The following JPH3 variants were observed in gnomAD, a reference collection of about 807,000 sequenced individuals.
The protein encoded by JPH3 is junctophilin 3.
A neutral mutation model predicts 59.6 loss-of-function variants in JPH3; 11 were observed. That is an observed-to-expected ratio of 0.18 (90% CI 0.12 to 0.31). The LOEUF (loss-of-function observed/expected upper bound fraction) is 0.31. JPH3 is among the 10% of genes least tolerant of loss of function. The pLI is 1.00. For missense variants in JPH3, 1,202 were observed against 1,105.7 expected (o/e 1.09, Z -1.24); for synonymous variants, 673 against 483.6 (o/e 1.39, Z -5.14).
In JPH3 at chr16:87,644,372, C is replaced by T. The variant is rs755426590; in HGVS notation, c.497C>T (p.Ser166Phe). 2 of 1,612,930 alleles carry T rather than the reference C, an allele frequency of 1.2e-6. No homozygotes were observed. Among genetic ancestry groups the T allele is most frequent in the Non-Finnish European group, 8.5e-7 (1 of 1,179,910 alleles). The change falls in exon 2 of 5, where the codon TCC (serine) becomes TTC (phenylalanine). Residue 166 changes from serine (S) to phenylalanine (F), a missense_variant. Ser to Phe is a radical substitution (Grantham distance 155). Transcript: ENST00000284262. ...IRSPLRTSIN[S>F]LRSEHTNGTA... The stretch of plus-strand genomic sequence containing the variant: ...TCACCCCTGAGGACGTCCATCAACT[C>T]CCTGCGCAGCGAGCACACCAACGGC...
At chr16:87,619,489 C>T (rs986182849) in intron 1 of JPH3, among the ~76,000 whole-genome samples, 36 of 152,178 alleles carry the variant, frequency 2.4e-4, no homozygotes, top group African/African-American at 8.7e-4. Flanking sequence ...GGGTGTCTGT[C>T]TCTTGGCTCC....
chr16:87,667,193 C>T (rs1597277041), intron 2 of JPH3, among the ~76,000 whole-genome samples: 1 of 152,238 alleles, frequency 6.6e-6, no homozygotes, highest in Non-Finnish European at 1.5e-5. Flanking sequence ...TCTTAGCTCC[C>T]TCTGCCCCGT....
In JPH3 at chr16:87,689,813, G is replaced by A. The variant is rs780184889; in HGVS notation, c.1453G>A (p.Ala485Thr). Residue 485 changes from alanine to threonine, a missense_variant, in exon 4 of 5, where the codon GCG (alanine) becomes ACG (threonine). By Grantham distance (58) the Ala-to-Thr change is moderately conservative. Coordinates refer to ENST00000284262, the MANE Select transcript of JPH3 (RefSeq NM_020655.4). The part of the protein sequence containing the change: ...SPLQSFPTSP[A>T]ATPPPAPAAR... ...CCTGCAGAGCTTCCCCACCAGCCCCGCGGCCACCCCGCCGCCCGCGCCCGC... is the reference window on the plus strand; with the variant it reads ...CCTGCAGAGCTTCCCCACCAGCCCCACGGCCACCCCGCCGCCCGCGCCCGC... 4.4e-6 allele frequency: 7 copies of A among 1,580,718 alleles called. No individual in the cohort carries two copies. In the Admixed American group the frequency reaches 1.1e-4, roughly 24 times the overall value.
Position 87,603,061 on chromosome 16 carries a change from C to G in JPH3, c.-86C>G. 6.4e-7 allele frequency: 1 copy of G among 1,572,184 alleles called. No individual in the cohort carries two copies. On this transcript the variant is annotated 5_prime_UTR_variant, in exon 1 of 5. Transcript: ENST00000284262. Reference sequence around the variant, plus strand: ...TCTCCTCCGGAAAACGCTCGCGACCCAGGGCCGCCGGCGGCCGCGACTCTG... The same window carrying G: ...TCTCCTCCGGAAAACGCTCGCGACCGAGGGCCGCCGGCGGCCGCGACTCTG...
At chr16:87,649,180 G>A (rs2032250193) in intron 2 of JPH3, among the ~76,000 whole-genome samples, 2 of 152,174 alleles carry the variant, frequency 1.3e-5, no homozygotes. Context: ...GTGAGAAGGG[G>A]CTGCAGTCTC....
At chr16:87,641,978 G>A (rs1157405242) in intron 1 of JPH3, among the ~76,000 whole-genome samples, 1 of 152,214 alleles carries the variant, frequency 6.6e-6, no homozygotes, top group Non-Finnish European at 1.5e-5. Context: ...TGGAGGTGCT[G>A]TGGAGGAGGG....
intron 1 of JPH3, among the ~76,000 whole-genome samples, chr16:87,618,453 G>A (rs868046488): frequency 2.6e-5 from 4 of 152,226 alleles, no homozygotes; most frequent in African/African-American, 4.8e-5. Flanking sequence ...ATTGGCCATC[G>A]TCCCTGCTGT....
At chr16:87,618,125 C>G (rs1182927038) in intron 1 of JPH3, among the ~76,000 whole-genome samples, 1 of 152,080 alleles carries the variant, frequency 6.6e-6, no homozygotes, top group East Asian at 1.9e-4. Flanking sequence ...GATTGGGCCA[C>G]TGCACTCTAG....
intron 1 of JPH3, chr16:87,604,468 C>T (rs1488186678): frequency 7.3e-7 from 1 of 1,363,024 alleles, no homozygotes; most frequent in Non-Finnish European, 9.6e-7. Flanking sequence ...AACAAACTGG[C>T]TTCCCCGACC....
intron 2 of JPH3, among the ~76,000 whole-genome samples, chr16:87,679,979 G>C (rs2033244775): frequency 6.6e-6 from 1 of 152,230 alleles, no homozygotes; most frequent in Non-Finnish European, 1.5e-5. Flanking sequence ...AGCCTGTTGG[G>C]GGGCCTGTGG....
chr16:87,677,213 CACACACACACACAAAAAA>C lies in JPH3; in HGVS notation c.1161-6927_1161-6910del, dbSNP rs1279195999. On this transcript the variant is annotated intron_variant, in intron 2 of 4. Coordinates refer to ENST00000284262, the MANE Select transcript of JPH3 (RefSeq NM_020655.4). ...ACACACACACACACACACACACACA[CACACACACACACAAAAAA>C]AAAAATTAGCCGGGTGTGGTGGGCG... is the stretch of plus-strand genomic sequence containing the variant. 7.7e-4 allele frequency among the ~76,000 whole-genome samples: 96 copies of C among 125,336 alleles called. 2 individuals carry two copies. The highest frequency in any genetic ancestry group is 1.3e-4 in the Non-Finnish European group (8 of 61,570). 82.2% of individuals were successfully genotyped at this position (125,336 alleles called of 152,430 possible). A position where few individuals can be genotyped will look rare whatever the true frequency, so the allele number is the denominator to read the frequency against.
At chr16:87,664,734 T>C (rs4843255) in intron 2 of JPH3, among the ~76,000 whole-genome samples, 48,838 of 152,066 alleles carry the variant, frequency 0.32, 8,533 homozygotes, top group African/African-American at 0.43. Flanking sequence ...TGGCCCTCCT[T>C]ATCCTTGCTG....
intron 1 of JPH3, among the ~76,000 whole-genome samples, chr16:87,615,994 A>C (rs971041055): frequency 2.6e-5 from 4 of 152,050 alleles, no homozygotes; most frequent in Admixed American, 1.3e-4. Context: ...TGCAGGAGGG[A>C]GACGGTGCGT....
intron 1 of JPH3, among the ~76,000 whole-genome samples, chr16:87,636,860 G>T (rs1252494293): frequency 2.6e-5 from 4 of 152,234 alleles, no homozygotes; most frequent in African/African-American, 9.6e-5. Flanking sequence ...TATCTTACAG[G>T]TGTGGAAACT....
chr16:87,604,575 A>C (rs1175902659), intron 1 of JPH3: 2 of 1,235,492 alleles, frequency 1.6e-6, no homozygotes, highest in Non-Finnish European at 2.1e-6. Flanking sequence ...CTGGGAAGGG[A>C]GTGAGACGCA....
intron 2 of JPH3, among the ~76,000 whole-genome samples, chr16:87,678,803 A>C (rs1001445087): frequency 1.3e-5 from 2 of 152,220 alleles, no homozygotes; most frequent in Non-Finnish European, 2.9e-5. Flanking sequence ...AGAAGGCCAC[A>C]TGAGGGCAGA....
chr16:87,642,602 G>A (rs901125842), intron 1 of JPH3, among the ~76,000 whole-genome samples: 1 of 152,222 alleles, frequency 6.6e-6, no homozygotes, highest in East Asian at 1.9e-4. Flanking sequence ...GTGGTGGACG[G>A]ACTCTGTTCT....
At chr16:87,666,932 G>GC (rs1279149130) in intron 2 of JPH3, among the ~76,000 whole-genome samples, 1 of 152,198 alleles carries the variant, frequency 6.6e-6, no homozygotes, top group Non-Finnish European at 1.5e-5. Flanking sequence ...GGGCCTGTGT[G>GC]CCCCCTCCAT....
At chr16:87,626,872 G>T (rs1309045515) in intron 1 of JPH3, among the ~76,000 whole-genome samples, 2 of 152,226 alleles carry the variant, frequency 1.3e-5, no homozygotes, top group African/African-American at 4.8e-5. Context: ...GGGCATGGTG[G>T]CTCATGCCTG....
Sources: allele counts gnomAD v4.1 joint callset (sites outside exome capture counted in the v4.1 genomes callset), GRCh38; gene constraint gnomAD v4.1.1; transcripts MANE v1.5; gene names NCBI Gene and HGNC (gene_info 2026-07-23, HGNC 2026-07-21).